The following BNIP1 variants were observed in gnomAD, a reference collection of about 807,000 sequenced individuals.
The protein encoded by BNIP1 is BCL2 interacting protein 1.
In BNIP1, 25 loss-of-function variants were observed where a neutral mutation model predicts 28.5. The ratio of observed to expected loss-of-function variants is 0.88; its 90% CI spans 0.64 to 1.23. The LOEUF is 1.23. Among genes scored for constraint, BNIP1 ranks in the 50% most tolerant of loss-of-function variants. BNIP1 has a pLI of 0.00. For missense variants in BNIP1, 276 were observed against 277.0 expected, an observed-to-expected ratio of 1.00 and a Z score of 0.02; for synonymous variants, 118 against 101.7, an observed-to-expected ratio of 1.16 and a Z score of -0.96.
At position 173,163,878 on chromosome 5, in the gene BNIP1, C is replaced by G; in HGVS notation, c.644C>G (p.Thr215Arg). ...CTTGCGCTAGCCCTGTTTCTTGCTACGGTCCTCTATATTGTGAAAAAGCGG... is the reference window on the plus strand; with the variant it reads ...CTTGCGCTAGCCCTGTTTCTTGCTAGGGTCCTCTATATTGTGAAAAAGCGG... Reference protein sequence around the residue: ...IFLALALFLATVLYIVKKRLF... With the variant: ...IFLALALFLARVLYIVKKRLF... The change falls in exon 6 of 6, where the codon ACG becomes AGG. Residue 215 changes from threonine (T) to arginine (R), a missense_variant. Physicochemically the swap from Thr to Arg is moderately conservative, Grantham distance 71. Transcript: ENST00000351486. 1 of 1,613,598 alleles carries G rather than the reference C, an allele frequency of 6.2e-7. No individual in the cohort carries two copies. The highest frequency in any genetic ancestry group is 8.5e-7 in the Non-Finnish European group (1 of 1,179,756).
intron 1 of BNIP1, 43 bp from the exon 2 acceptor site, chr5:173,146,823 C>A (rs1179747329): frequency 2.1e-6 from 3 of 1,447,458 alleles, no homozygotes; most frequent in African/African-American, 2.8e-5. Context: ...CATTTCATTT[C>A]ATTGCCTTGA....
At chr5:173,160,977 G>A (rs561872105) in intron 5 of BNIP1, 10 of 392,392 alleles carry the variant, frequency 2.5e-5, no homozygotes, top group South Asian at 1.1e-4. Context: ...GAAAAAGGGC[G>A]TTTACTCCTT....
rs758350885 is a variant in BNIP1, at chr5:173,144,576, A to G, written c.31A>G (p.Ile11Val). The G allele has an allele frequency of 6.2e-7, 1 of 1,614,156 alleles. No individual in the cohort carries two copies. The highest frequency in any genetic ancestry group is 1.3e-5 in the African/African-American group (1 of 75,046). ...GGCTCCCCAAGACGTCCACGTCCGG[A>G]TCTGTAACCAAGAGATTGTCAAATT... The part of the protein sequence containing the change: MAAPQDVHVR[I>V]CNQEIVKFDL... Residue 11 changes from isoleucine (I) to valine (V), a missense_variant, in exon 1 of 6, where the codon ATC becomes GTC. Physicochemically the swap from Ile to Val is conservative, Grantham distance 29 (BLOSUM62 3). Coordinates refer to ENST00000351486, the MANE Select transcript of BNIP1 (RefSeq NM_001205.3).
At position 173,158,828 on chromosome 5, in the gene BNIP1, A is replaced by C; in HGVS notation, c.354A>C (p.Gly118=). The change falls in exon 4 of 6, where the codon GGA becomes GGC. Residue 118 remains glycine (G), a synonymous_variant. Transcript: ENST00000351486. ...NLEKAELLQG[G]DLLRQRKTTK... is the part of the protein sequence containing the mutation. ...AGAAAGCAGAACTTCTTCAGGGAGGAGATCTCTTAAGGCAAAGGTACCTAT... is the reference window on the plus strand; with the variant it reads ...AGAAAGCAGAACTTCTTCAGGGAGGCGATCTCTTAAGGCAAAGGTACCTAT... The C allele has an allele frequency of 1.2e-6, 2 of 1,613,638 alleles. No individual in the cohort carries two copies. The highest frequency in any genetic ancestry group is 1.7e-6 in the Non-Finnish European group (2 of 1,179,682).
chr5:173,162,725 C>G (rs5745172), intron 5 of BNIP1, among the ~76,000 whole-genome samples: 7 of 152,102 alleles, frequency 4.6e-5, no homozygotes, highest in Non-Finnish European at 5.9e-5. Context: ...ACAGCAGCCT[C>G]GCATGTCTAG....
intron 1 of BNIP1, among the ~76,000 whole-genome samples, chr5:173,145,646 G>T (rs1238548503): frequency 1.3e-5 from 2 of 152,184 alleles, no homozygotes; most frequent in East Asian, 3.9e-4. Flanking sequence ...CTCGTGATCC[G>T]CCCGCCTCGG....
chr5:173,160,268 C>G (rs1426512077), intron 5 of BNIP1, among the ~76,000 whole-genome samples: 13 of 149,488 alleles, frequency 8.7e-5, no homozygotes, highest in Non-Finnish European at 1.8e-4. Flanking sequence ...GAGTTTCGCT[C>G]TTGTTGCCCA....
chr5:173,159,948 G>A lies in BNIP1; in HGVS notation c.387G>A (p.Glu129=), dbSNP rs1436353906. The A allele has an allele frequency of 3.7e-6, 6 of 1,613,952 alleles. No homozygotes were observed. The African/African-American group carries it at 4.0e-5, about 11-fold the overall frequency. Residue 129 remains glutamate (E), a synonymous_variant, in exon 5 of 6, where the codon GAG becomes GAA. Transcript: ENST00000351486. ...GAACTTTTAGGAAAACCACCAAAGAGAGCCTGGCCCAGACATCCAGTACCA... is the reference window on the plus strand; with the variant it reads ...GAACTTTTAGGAAAACCACCAAAGAAAGCCTGGCCCAGACATCCAGTACCA... The part of the protein sequence containing the change: ...DLLRQRKTTK[E]SLAQTSSTIT...
intron 2 of BNIP1, 30 bp downstream of exon 2, chr5:173,146,988 G>A: frequency 6.4e-7 from 1 of 1,563,368 alleles, no homozygotes; most frequent in Non-Finnish European, 8.8e-7. Context: ...TCAATGAAGG[G>A]GGCTCTGTCC....
chr5:173,145,432 C>T lies in BNIP1; in HGVS notation c.84+803C>T, dbSNP rs530146425. On this transcript the variant is annotated intron_variant, in intron 1 of 5. Coordinates refer to ENST00000351486, the MANE Select transcript of BNIP1 (RefSeq NM_001205.3). ...TTTTTGTTTTTTTGAGACGGAGTCT[C>T]GCTCTGTCGCCCAGGCTGGAGTGCA... is the stretch of plus-strand genomic sequence containing the variant. 1.0e-3 allele frequency among the ~76,000 whole-genome samples: 154 copies of T among 152,304 alleles called. 2 individuals are homozygous for T. In the South Asian group the frequency reaches 0.015, roughly 15 times the overall value.
chr5:173,161,433 A>G (rs1760358797), intron 5 of BNIP1: 1 of 152,294 alleles, frequency 6.6e-6, no homozygotes, highest in Admixed American at 6.5e-5. Flanking sequence ...GCAAGGCGAC[A>G]ACTTGGCCTC....
rs902897029 is a variant in BNIP1, at chr5:173,160,132, C to T, written c.490+81C>T. On this transcript the variant is annotated intron_variant, in intron 5 of 5. Transcript: ENST00000351486. ...TGCCCTGGCACCTCCACTCTGGGCTCCTCCACCACAGCCCACACGATGTTC... is the reference window on the plus strand; with the variant it reads ...TGCCCTGGCACCTCCACTCTGGGCTTCTCCACCACAGCCCACACGATGTTC... 23 of 1,268,716 alleles carry T rather than the reference C, an allele frequency of 1.8e-5. No homozygotes were observed. In the East Asian group the frequency reaches 2.1e-4, roughly 12 times the overall value. The allele number at this position is 1,268,716 out of a possible 1,614,324, so 78.6% of individuals were successfully genotyped here.
chr5:173,151,546 A>AT (rs374928255), intron 2 of BNIP1: 159,309 of 1,363,602 alleles, frequency 0.12, 1 homozygote, highest in East Asian at 0.13. Flanking sequence ...AATAACTGTC[A>AT]TTTTTTTTTT....
At chr5:173,144,885 G>A (rs903716826) in intron 1 of BNIP1, 13 of 445,748 alleles carry the variant, frequency 2.9e-5, no homozygotes, top group Non-Finnish European at 4.0e-5. Flanking sequence ...CTCAGCTACT[G>A]CTTCGGGGCT....
rs145902724 is a variant in BNIP1, at chr5:173,159,758, T to G, written c.372-175T>G. Reference sequence around the variant, plus strand: ...AGGCAGCACTGGTTTATGTTCCTACTAGCAGTCCACAGGGGCGTGGGTCTC... The same window carrying G: ...AGGCAGCACTGGTTTATGTTCCTACGAGCAGTCCACAGGGGCGTGGGTCTC... On this transcript the variant is annotated intron_variant, in intron 4 of 5. Transcript: ENST00000351486. Among the ~76,000 whole-genome samples, 98 of 152,322 alleles carry G rather than the reference T, an allele frequency of 6.4e-4. 1 individual carries two copies. The East Asian group carries it at 0.011, about 17-fold the overall frequency.
At chr5:173,160,602 T>C (rs1049181582) in intron 5 of BNIP1, among the ~76,000 whole-genome samples, 8 of 152,050 alleles carry the variant, frequency 5.3e-5, no homozygotes, top group Non-Finnish European at 1.2e-4. Flanking sequence ...TTCCCATGTG[T>C]TCATGTGAAA....
At chr5:173,157,667 G>A (rs772075198) in intron 3 of BNIP1, among the ~76,000 whole-genome samples, 4 of 151,996 alleles carry the variant, frequency 2.6e-5, no homozygotes, top group Admixed American at 1.3e-4. Flanking sequence ...CACCCGCCTC[G>A]GCCTCTCAAA....
At chr5:173,156,918 G>T (rs1475566360) in intron 3 of BNIP1, among the ~76,000 whole-genome samples, 2 of 151,430 alleles carry the variant, frequency 1.3e-5, no homozygotes, top group East Asian at 3.9e-4. Context: ...CAAAGTGCTG[G>T]GATTACAGGC....
intron 1 of BNIP1, among the ~76,000 whole-genome samples, chr5:173,146,135 C>G (rs1759828488): frequency 6.6e-6 from 1 of 152,214 alleles, no homozygotes; most frequent in Non-Finnish European, 1.5e-5. Flanking sequence ...GCGTTCTTAC[C>G]GTTTTCCAGC....
Sources: gnomAD v4.1 joint callset for allele counts (sites outside exome capture counted in the v4.1 genomes callset) on GRCh38, gnomAD v4.1.1 for gene constraint, MANE v1.5 for transcripts, NCBI Gene and HGNC (gene_info 2026-07-23, HGNC 2026-07-21) for gene names.